The following PARN variants were observed in gnomAD, a reference collection of about 807,000 sequenced individuals.
The protein encoded by PARN is poly(A)-specific ribonuclease PARN.
A neutral mutation model predicts 102.8 loss-of-function variants in PARN; 71 were observed. The ratio of observed to expected loss-of-function variants is 0.69; its 90% CI spans 0.57 to 0.84. The LOEUF (loss-of-function observed/expected upper bound fraction) is 0.84, where lower values mean the gene tolerates loss of function less well. Among genes scored for constraint, PARN ranks in the 40% least tolerant of loss-of-function variants. PARN has a pLI of 0.00. For missense variants in PARN, 782 were observed against 760.9 expected (o/e 1.03, Z -0.33); for synonymous variants, 261 against 252.9 (o/e 1.03, Z -0.30).
chr16:14,534,895 C>T (rs1268162608), intron 21 of PARN, among the ~76,000 whole-genome samples: 7 of 149,048 alleles, frequency 4.7e-5, no homozygotes, highest in Non-Finnish European at 8.9e-5. Context: ...AGTGCAATGG[C>T]GCCATCTCGG....
At chr16:14,526,367 T>C (rs1283560750) in intron 21 of PARN, among the ~76,000 whole-genome samples, 4 of 151,144 alleles carry the variant, frequency 2.6e-5, no homozygotes, top group Non-Finnish European at 4.4e-5. Context: ...TTAGTACAGA[T>C]GGGGTTTCAC....
intron 23 of PARN, among the ~76,000 whole-genome samples, chr16:14,441,641 C>A (rs1162610062): frequency 6.6e-6 from 1 of 152,254 alleles, no homozygotes; most frequent in African/African-American, 2.4e-5. Flanking sequence ...CCAGGAGGAA[C>A]AGGGAGGGCA....
Position 14,625,440 on chromosome 16 carries a change from T to C in PARN, c.327+1666A>G, listed in dbSNP as rs539659184. 7.9e-5 allele frequency among the ~76,000 whole-genome samples: 12 copies of C among 152,126 alleles called. No individual in the cohort carries two copies. The South Asian group carries it at 1.7e-3, about 21-fold the overall frequency. On this transcript the variant is annotated intron_variant, in intron 5 of 23. Coordinates refer to ENST00000437198, the MANE Select transcript of PARN (RefSeq NM_002582.4). ...TCCACCCAGGAGGCAGAGGTTACAG[T>C]GAGCCTAGATCATGCCATCACACTC...
chr16:14,500,654 T>A (rs184716243), intron 21 of PARN, among the ~76,000 whole-genome samples: 12 of 152,326 alleles, frequency 7.9e-5, no homozygotes, highest in African/African-American at 2.2e-4. Context: ...CTACATCTAA[T>A]ACCTCTAACA....
chr16:14,490,055 G>C (rs941382632), intron 21 of PARN, among the ~76,000 whole-genome samples: 1 of 152,204 alleles, frequency 6.6e-6, no homozygotes, highest in Non-Finnish European at 1.5e-5. Context: ...ATACTTGGAG[G>C]GGTGAGGCTG....
chr16:14,524,207 T>C (rs934958854), intron 21 of PARN, among the ~76,000 whole-genome samples: 7 of 152,212 alleles, frequency 4.6e-5, no homozygotes, highest in Non-Finnish European at 1.0e-4. Context: ...GAGTGTTGTT[T>C]CCCCAAGACA....
chr16:14,596,057 T>C (rs904366865), intron 12 of PARN, among the ~76,000 whole-genome samples: 1 of 152,226 alleles, frequency 6.6e-6, no homozygotes, highest in Non-Finnish European at 1.5e-5. Context: ...TACATACATA[T>C]GGTTCTTAGT....
intron 20 of PARN, 87 bp from the exon 21 acceptor site, chr16:14,552,182 T>C: frequency 8.8e-6 from 7 of 796,854 alleles, no homozygotes; most frequent in East Asian, 2.5e-5. Flanking sequence ...TATTTCAGTA[T>C]AGTCTATCTT....
At position 14,484,826 on chromosome 16, in the gene PARN, C is replaced by T. The variant is rs560440480; in HGVS notation, c.1481-1999G>A. Among the ~76,000 whole-genome samples the T allele has an allele frequency of 4.6e-5, 7 of 152,238 alleles. No individual in the cohort carries two copies. In the South Asian group the frequency reaches 1.2e-3, roughly 27 times the overall value. ...AAAAACAGAACAAAACAGGAAAAAA[C>T]TCTACTTCTTCAGAAAACACAAATT... On this transcript the variant is annotated intron_variant, in intron 21 of 23. Transcript: ENST00000437198.
At chr16:14,629,403 A>C (rs1399643971) in intron 2 of PARN, among the ~76,000 whole-genome samples, 194 bp downstream of exon 2, 1 of 152,244 alleles carries the variant, frequency 6.6e-6, no homozygotes, top group Non-Finnish European at 1.5e-5. Flanking sequence ...GTCCAATCAC[A>C]AACCTACGGC....
chr16:14,441,334 A>C (rs1036064287), intron 23 of PARN, among the ~76,000 whole-genome samples: 1 of 152,236 alleles, frequency 6.6e-6, no homozygotes, highest in Non-Finnish European at 1.5e-5. Context: ...CAAAAGGTGA[A>C]TATTTCTGCT....
intron 21 of PARN, among the ~76,000 whole-genome samples, chr16:14,528,189 C>T (rs910385721): frequency 6.6e-6 from 1 of 152,208 alleles, no homozygotes; most frequent in African/African-American, 2.4e-5. Context: ...TCTCCTGTGC[C>T]TGTGGAATTC....
Position 14,436,646 on chromosome 16 carries a change from G to A in PARN, c.*71C>T, listed in dbSNP as rs1256634198. On this transcript the variant is annotated 3_prime_UTR_variant, in exon 24 of 24. Transcript: ENST00000437198. The stretch of plus-strand genomic sequence containing the variant: ...CATTTGATTAAGTTAAATACAGTGC[G>A]GCTTCCAAATGTGCCAGCCGGCTCT... 6.3e-6 allele frequency: 7 copies of A among 1,113,560 alleles called. No homozygotes were observed. Among genetic ancestry groups the A allele is most frequent in the East Asian group, 5.1e-5 (2 of 39,432 alleles). 69.0% of individuals were successfully genotyped at this position (1,113,560 alleles called of 1,614,324 possible).
chr16:14,630,032 C>G (rs1050973773), intron 1 of PARN, 75 bp downstream of exon 1: 29 of 1,355,114 alleles, frequency 2.1e-5, no homozygotes, highest in African/African-American at 5.8e-5. Flanking sequence ...CCAAACACGC[C>G]GGCCATGGTC....
At chr16:14,608,043 T>C (rs578171313) in intron 9 of PARN, 6 of 534,916 alleles carry the variant, frequency 1.1e-5, no homozygotes, top group South Asian at 5.3e-5. Flanking sequence ...TACCAATCCA[T>C]AGCTTAACAG....
At position 14,446,894 on chromosome 16, in the gene PARN, G is replaced by A. The variant is rs1035446181; in HGVS notation, c.1858C>T (p.Pro620Ser). 1 of 1,611,782 alleles carries A rather than the reference G, an allele frequency of 6.2e-7. No homozygotes were observed. Among genetic ancestry groups the A allele is most frequent in the African/African-American group, 1.3e-5 (1 of 74,786 alleles). ...GGCAAGATCCAATACAAACCTGCTGGAGAAAGCTCCTTCTTCATTCTTTTT... is the reference window on the plus strand; with the variant it reads ...GGCAAGATCCAATACAAACCTGCTGAAGAAAGCTCCTTCTTCATTCTTTTT... ...KLKRMKKELS[P>S]AGSISKNSPA... The change falls in exon 23 of 24, where the codon CCA (proline) becomes TCA (serine). Residue 620 changes from proline (P) to serine (S), a missense_variant. By Grantham distance (74) the Pro-to-Ser change is moderately conservative. Coordinates refer to ENST00000437198, the MANE Select transcript of PARN (RefSeq NM_002582.4).
Position 14,543,576 on chromosome 16 carries a change from G to T in PARN, c.1480+8445C>A, listed in dbSNP as rs1035972593. ...GTAAATGAACCTATATGATTGTAAG[G>T]TCTCTACATTCTATGTGAAATGGTA... is the stretch of plus-strand genomic sequence containing the variant. On this transcript the variant is annotated intron_variant, in intron 21 of 23. Coordinates refer to ENST00000437198, the MANE Select transcript of PARN (RefSeq NM_002582.4). 3.3e-5 allele frequency among the ~76,000 whole-genome samples: 5 copies of T among 152,218 alleles called. No homozygotes were observed. The East Asian group carries it at 9.6e-4, about 29-fold the overall frequency.
intron 13 of PARN, among the ~76,000 whole-genome samples, chr16:14,587,516 T>C (rs1969932731): frequency 1.3e-5 from 2 of 152,212 alleles, no homozygotes; most frequent in South Asian, 2.1e-4. Context: ...TACCTTTTTA[T>C]CAAGTCAGGG....
intron 23 of PARN, 49 bp downstream of exon 23, chr16:14,446,839 C>A: frequency 1.5e-6 from 2 of 1,369,494 alleles, no homozygotes; most frequent in Non-Finnish European, 1.0e-6. Context: ...GTTTCTAGAG[C>A]ATTTAAATAG....
Sources: gnomAD v4.1 joint callset for allele counts (sites outside exome capture counted in the v4.1 genomes callset) on GRCh38, gnomAD v4.1.1 for gene constraint, MANE v1.5 for transcripts, NCBI Gene and HGNC (gene_info 2026-07-23, HGNC 2026-07-21) for gene names.